The following TNPO1 variants were observed in gnomAD, a reference collection of about 807,000 sequenced individuals.
TNPO1 encodes the protein transportin-1.
A neutral mutation model predicts 119.5 loss-of-function variants in TNPO1; 8 were observed. That is an observed-to-expected ratio of 0.07 (90% CI 0.04 to 0.12). The LOEUF is 0.12. TNPO1 is among the 10% of genes least tolerant of loss of function. The pLI is 1.00. For synonymous variants in TNPO1, 362 were observed against 363.0 expected, an observed-to-expected ratio of 1.00 and a Z score of 0.03; for missense variants, 576 against 1,089.8, an observed-to-expected ratio of 0.53 and a Z score of 6.64.
chr5:72,871,793 T>C (rs1747427564), intron 6 of TNPO1: 3 of 152,106 alleles, frequency 2.0e-5, no homozygotes, highest in Admixed American at 2.0e-4. Flanking sequence ...GAATTGAAGT[T>C]AGGGGGTAAG....
At chr5:72,877,414 T>G in intron 9 of TNPO1, 68 bp downstream of exon 9, 1 of 775,748 alleles carries the variant, frequency 1.3e-6, no homozygotes, top group Non-Finnish European at 2.0e-6. Context: ...ATTTTCATAT[T>G]TTTATAAAAT....
intron 3 of TNPO1, among the ~76,000 whole-genome samples, chr5:72,852,140 T>C (rs1183461848): frequency 1.3e-5 from 2 of 152,236 alleles, no homozygotes; most frequent in Non-Finnish European, 2.9e-5. Context: ...AAGTAGACTT[T>C]TGTAACTTTT....
rs1056694341 is a variant in TNPO1 at position 72,913,803 on chromosome 5, A to C, written c.*5130A>C. On this transcript the variant is annotated 3_prime_UTR_variant, in exon 25 of 25. Coordinates refer to ENST00000337273, the MANE Select transcript of TNPO1 (RefSeq NM_002270.4). The stretch of plus-strand genomic sequence containing the variant: ...ACTGTGTTGTTGTTTTCCTTTGTGG[A>C]TATATAAGCAAATTGAGCTTGGGTG... The C allele has an allele frequency of 3.9e-5, 6 of 152,552 alleles. No individual in the cohort carries two copies. Among genetic ancestry groups the C allele is most frequent in the Admixed American group, 6.5e-5 (1 of 15,280 alleles). The allele number at this position is 152,552 out of a possible 1,614,324, so 9.4% of individuals were successfully genotyped here. A position where few individuals can be genotyped will look rare whatever the true frequency, so the allele number is the denominator to read the frequency against.
Position 72,848,189 on chromosome 5 carries a change from G to T in TNPO1, c.16-196G>T, listed in dbSNP as rs532697124. The T allele has an allele frequency of 8.8e-5, 107 of 1,220,400 alleles. No individual in the cohort carries two copies. In the African/African-American group the frequency reaches 1.6e-3, roughly 18 times the overall value. The allele number at this position is 1,220,400 out of a possible 1,614,324, so 75.6% of individuals were successfully genotyped here. A position where few individuals can be genotyped will look rare whatever the true frequency, so the allele number is the denominator to read the frequency against. ...AGCAGCAGCAGACGCTGGCGGCCGG[G>T]CTGCCAGGAGCAGTTCCGCCGGGTT... is the stretch of plus-strand genomic sequence containing the variant. On this transcript the variant is annotated intron_variant, in intron 1 of 24. Transcript: ENST00000337273.
intron 24 of TNPO1, among the ~76,000 whole-genome samples, chr5:72,907,287 C>A (rs1393047631): frequency 6.6e-6 from 1 of 152,154 alleles, no homozygotes; most frequent in Non-Finnish European, 1.5e-5. Flanking sequence ...GTCTTGAGCA[C>A]TTTCAGATTT....
At chr5:72,878,258 G>A (rs149804241) in intron 9 of TNPO1, among the ~76,000 whole-genome samples, 259 of 151,850 alleles carry the variant, frequency 1.7e-3, no homozygotes, top group African/African-American at 5.7e-3. Context: ...TCAATAAAAG[G>A]TTGTTTCTTT....
intron 1 of TNPO1, among the ~76,000 whole-genome samples, chr5:72,819,417 GCTTTGAAGGGTC>G (rs1743846048): frequency 6.6e-6 from 1 of 152,236 alleles, no homozygotes; most frequent in Non-Finnish European, 1.5e-5. Flanking sequence ...TGATTGGGTT[GCTTTGAAGGGTC>G]CTTTGAAGTA....
In TNPO1 at chr5:72,883,117, A is replaced by G; in HGVS notation, c.1035A>G (p.Pro345=). ...CTGATAGTGAACAGGATATACGGCC[A>G]CGTTTTCACCGATCGAGGACGGTGG... is the stretch of plus-strand genomic sequence containing the variant. The part of the protein sequence containing the change: ...TIPDSEQDIR[P]RFHRSRTVAQ... Residue 345 remains proline (P), a synonymous_variant, in exon 11 of 25, where the codon CCA becomes CCG. Coordinates refer to ENST00000337273, the MANE Select transcript of TNPO1 (RefSeq NM_002270.4). 1.9e-6 allele frequency: 3 copies of G among 1,614,132 alleles called. No homozygotes were observed. The highest frequency in any genetic ancestry group is 2.5e-6 in the Non-Finnish European group (3 of 1,180,030).
intron 4 of TNPO1, among the ~76,000 whole-genome samples, chr5:72,860,810 T>C (rs1746383129): frequency 6.6e-6 from 1 of 152,246 alleles, no homozygotes; most frequent in Non-Finnish European, 1.5e-5. Flanking sequence ...TCTTAATGTG[T>C]CTTTTATTTG....
At chr5:72,834,166 G>A (rs979688991) in intron 1 of TNPO1, among the ~76,000 whole-genome samples, 8 of 151,994 alleles carry the variant, frequency 5.3e-5, no homozygotes, top group African/African-American at 1.9e-4. Flanking sequence ...AACCTGCACT[G>A]CCAGTTATAT....
At chr5:72,856,804 G>T (rs112832956) in intron 4 of TNPO1, among the ~76,000 whole-genome samples, 6 of 152,078 alleles carry the variant, frequency 3.9e-5, no homozygotes, top group Non-Finnish European at 7.4e-5. Context: ...ATAGTAACTC[G>T]TATAAATCTA....
chr5:72,826,929 T>G (rs1356309111), intron 1 of TNPO1, among the ~76,000 whole-genome samples: 1 of 152,174 alleles, frequency 6.6e-6, no homozygotes, highest in African/African-American at 2.4e-5. Flanking sequence ...AACAGTCACA[T>G]GTTAATGTTT....
intron 18 of TNPO1, 96 bp downstream of exon 18, chr5:72,893,799 C>A: frequency 1.8e-6 from 2 of 1,138,792 alleles, no homozygotes; most frequent in South Asian, 1.3e-5. Context: ...TGCATGGAAT[C>A]CCAACATTTA....
chr5:72,890,192 T>A (rs1748943330), intron 14 of TNPO1, among the ~76,000 whole-genome samples: 1 of 152,236 alleles, frequency 6.6e-6, no homozygotes, highest in African/African-American at 2.4e-5. Flanking sequence ...AATGCTCTGA[T>A]ACTTTTTAGA....
rs1480502045 is a variant in TNPO1 at position 72,910,737 on chromosome 5, C to T, written c.*2064C>T. On this transcript the variant is annotated 3_prime_UTR_variant, in exon 25 of 25. Transcript: ENST00000337273. ...TGAGCTGTGTGCGTGTGAATTTATA[C>T]TGTTTCAAAAATTTCAAATGCATGG... The T allele has an allele frequency of 6.6e-6, 1 of 152,152 alleles. No homozygotes were observed. The highest frequency in any genetic ancestry group is 2.4e-5 in the African/African-American group (1 of 41,410). The allele number at this position is 152,152 out of a possible 1,614,324, so 9.4% of individuals were successfully genotyped here.
intron 1 of TNPO1, among the ~76,000 whole-genome samples, chr5:72,826,568 T>C (rs567845432): frequency 6.6e-6 from 1 of 152,210 alleles, no homozygotes; most frequent in Non-Finnish European, 1.5e-5. Flanking sequence ...GAGCCTAGAA[T>C]GTAGTAGACA....
intron 20 of TNPO1, 104 bp downstream of exon 20, chr5:72,897,255 A>G: frequency 1.4e-6 from 1 of 720,734 alleles, no homozygotes; most frequent in East Asian, 2.8e-5. Flanking sequence ...AATCGAGCTT[A>G]TTTTGTATTT....
chr5:72,835,016 C>T (rs936377996), intron 1 of TNPO1, among the ~76,000 whole-genome samples: 13 of 152,186 alleles, frequency 8.5e-5, no homozygotes, highest in Non-Finnish European at 1.8e-4. Flanking sequence ...ACATGCTATA[C>T]AGGTTTGTGG....
chr5:72,896,366 C>A, intron 18 of TNPO1, 92 bp from the exon 19 acceptor site: 1 of 697,380 alleles, frequency 1.4e-6, no homozygotes, highest in East Asian at 3.3e-5. Context: ...TTATTTCTTG[C>A]TTAGATTTCT....
Sources: allele counts gnomAD v4.1 joint callset (sites outside exome capture counted in the v4.1 genomes callset), GRCh38; gene constraint gnomAD v4.1.1; transcripts MANE v1.5; gene names NCBI Gene and HGNC (gene_info 2026-07-23, HGNC 2026-07-21).